The following RPL23A variants were observed in gnomAD, a reference collection of about 807,000 sequenced individuals.
The protein encoded by RPL23A is ribosomal protein L23a.
RPL23A carries 2 observed loss-of-function variants against 17.6 expected under a neutral mutation model. The observed-to-expected ratio is 0.11, with a 90% CI of 0.05 to 0.36. The LOEUF (loss-of-function observed/expected upper bound fraction) is 0.36, where lower values mean the gene tolerates loss of function less well. RPL23A is among the 10% of genes least tolerant of loss of function. RPL23A has a pLI of 1.00. For synonymous variants in RPL23A, 65 were observed against 74.3 expected, an observed-to-expected ratio of 0.87 and a Z score of 0.65; for missense variants, 132 against 194.4, an observed-to-expected ratio of 0.68 and a Z score of 1.91.
In RPL23A at chr17:28,720,397, C is replaced by T. The variant is rs148721690; in HGVS notation, c.26-310C>T. 6.9e-6 allele frequency: 11 copies of T among 1,585,500 alleles called. No homozygotes were observed. The African/African-American group carries it at 9.4e-5, about 14-fold the overall frequency. On this transcript the variant is annotated intron_variant, in intron 1 of 4. Coordinates refer to ENST00000422514, the MANE Select transcript of RPL23A (RefSeq NM_000984.6). The stretch of plus-strand genomic sequence containing the variant: ...TCATGTTCAACCGGGCTACATTACC[C>T]GCCCCTCTCTCCGCAGCGTGGTTTT...
intron 2 of RPL23A, 174 bp from the exon 3 acceptor site, chr17:28,722,549 C>T (rs1042401614): frequency 2.7e-5 from 21 of 769,320 alleles, no homozygotes; most frequent in Non-Finnish European, 4.9e-5. Flanking sequence ...CGTTCTGCCC[C>T]TGGGATTGGG....
rs536101438 is a variant in RPL23A at position 28,719,987 on chromosome 17, T to G, written c.-19T>G. 2 of 1,551,866 alleles carry G rather than the reference T, an allele frequency of 1.3e-6. No individual in the cohort carries two copies. The highest frequency in any genetic ancestry group is 2.4e-5 in the East Asian group (1 of 40,948). The stretch of plus-strand genomic sequence containing the variant: ...GCTATAAGCCCGTGGGAACGAGCAT[T>G]GGAGACCCTTTTCACAAGATGGCGC... On this transcript the variant is annotated 5_prime_UTR_variant, in exon 1 of 5. It adds an upstream start codon to the 5' untranslated region. Transcript: ENST00000422514.
chr17:28,721,376 C>T (rs993286716), intron 2 of RPL23A: 29 of 156,688 alleles, frequency 1.9e-4, no homozygotes, highest in African/African-American at 7.0e-4. Flanking sequence ...AACCCTGAGT[C>T]TCTCAAAATT....
At chr17:28,721,065 C>G in intron 2 of RPL23A, 175 bp downstream of exon 2, 1 of 627,342 alleles carries the variant, frequency 1.6e-6, no homozygotes, top group Non-Finnish European at 2.7e-6. Flanking sequence ...CAGGATCAGC[C>G]CAGAGGCCGG....
chr17:28,720,169 A>T, intron 1 of RPL23A, 139 bp downstream of exon 1: 1 of 1,525,690 alleles, frequency 6.6e-7, no homozygotes. Context: ...GACACGCTGC[A>T]GTATACGTGG....
chr17:28,723,236 G>C (rs952973714), intron 3 of RPL23A: 1 of 537,734 alleles, frequency 1.9e-6, no homozygotes, highest in Non-Finnish European at 3.3e-6. Context: ...GGCTGCTTTA[G>C]TTACAGACCT....
At chr17:28,720,228 G>A (rs566010875) in intron 1 of RPL23A, 198 bp downstream of exon 1, 70 of 1,539,130 alleles carry the variant, frequency 4.5e-5, no homozygotes, top group African/African-American at 2.7e-4. Flanking sequence ...AGGGAGTTGG[G>A]GGGGGGCAAC....
At chr17:28,721,740 GTAGT>G (rs1447745606) in intron 2 of RPL23A, 5 of 152,204 alleles carry the variant, frequency 3.3e-5, no homozygotes, top group Admixed American at 2.6e-4. Context: ...AGCCATGGTA[GTAGT>G]TAGTACCAAT....
At chr17:28,722,959 C>A in intron 3 of RPL23A, 60 bp downstream of exon 3, 1 of 1,392,708 alleles carries the variant, frequency 7.2e-7, no homozygotes, top group East Asian at 2.3e-5. Flanking sequence ...GCCAAAAAAA[C>A]CTGCATTCCA....
At chr17:28,720,070 A>G in intron 1 of RPL23A, 40 bp downstream of exon 1, 1 of 1,550,500 alleles carries the variant, frequency 6.4e-7, no homozygotes, top group Non-Finnish European at 8.7e-7. Flanking sequence ...TTTACCGGGG[A>G]TTGCCGCGCC....
At chr17:28,722,481 G>A in intron 2 of RPL23A, 1 of 640,940 alleles carries the variant, frequency 1.6e-6, no homozygotes, top group South Asian at 1.4e-5. Flanking sequence ...CTGGCCCAGA[G>A]ATGATTCTTT....
Position 28,724,024 on chromosome 17 carries a change from C to T in RPL23A, c.*143C>T. 1.7e-6 allele frequency: 1 copy of T among 590,166 alleles called. No individual in the cohort carries two copies. Among genetic ancestry groups the T allele is most frequent in the Non-Finnish European group, 2.9e-6 (1 of 344,128 alleles). The allele number at this position is 590,166 out of a possible 1,614,324, so 36.6% of individuals were successfully genotyped here. A position where few individuals can be genotyped will look rare whatever the true frequency, so the allele number is the denominator to read the frequency against. ...GGGCTTGGGCAAGACTCCTGTTCTA[C>T]TTATCCTTTTGAAATACCTCACCCT... On this transcript the variant is annotated 3_prime_UTR_variant, in exon 5 of 5. Transcript: ENST00000422514.
chr17:28,720,668 C>T, intron 1 of RPL23A, 39 bp from the exon 2 acceptor site: 2 of 1,611,378 alleles, frequency 1.2e-6, no homozygotes, highest in African/African-American at 2.7e-5. Context: ...TGACCGATTT[C>T]TAAATCCCGC....
In RPL23A at chr17:28,720,794, A is replaced by G. The variant is rs759483041; in HGVS notation, c.113A>G (p.Lys38Arg). The change falls in exon 2 of 5, where the codon AAG (lysine) becomes AGG (arginine). Residue 38 changes from lysine (K) to arginine (R), a missense_variant. Lys to Arg is a conservative substitution (Grantham distance 26, BLOSUM62 2). Coordinates refer to ENST00000422514, the MANE Select transcript of RPL23A (RefSeq NM_000984.6). ...VLKGVHSHKK[K>R]KIRTSPTFRR... ...AAAGGTGTCCACAGCCACAAAAAGAAGAAGATCCGCACGTCACCCACCTTC... is the reference window on the plus strand; with the variant it reads ...AAAGGTGTCCACAGCCACAAAAAGAGGAAGATCCGCACGTCACCCACCTTC... 5.6e-6 allele frequency: 9 copies of G among 1,613,310 alleles called. No individual in the cohort carries two copies. The highest frequency in any genetic ancestry group is 1.1e-5 in the South Asian group (1 of 91,076).
chr17:28,720,374 A>C, intron 1 of RPL23A: 1 of 1,564,058 alleles, frequency 6.4e-7, no homozygotes, highest in Non-Finnish European at 8.7e-7. Flanking sequence ...CTTCTGGTTC[A>C]TGTTCAACCG....
intron 1 of RPL23A, chr17:28,720,280 C>T (rs1224548619): frequency 1.9e-6 from 3 of 1,548,050 alleles, no homozygotes; most frequent in South Asian, 1.2e-5. Context: ...ACATTCGGTT[C>T]TGGGAAGCTA....
intron 4 of RPL23A, 21 bp downstream of exon 4, chr17:28,723,661 C>T (rs1305991865): frequency 6.2e-7 from 1 of 1,606,326 alleles, no homozygotes; most frequent in Admixed American, 1.7e-5. Flanking sequence ...TTCCTACAAA[C>T]CCCTTAATGC....
intron 1 of RPL23A, chr17:28,720,240 C>T (rs1023181730): frequency 2.6e-6 from 4 of 1,539,322 alleles, no homozygotes; most frequent in African/African-American, 2.7e-5. Flanking sequence ...GGGGGCAACG[C>T]GGCAGGCATC....
In RPL23A at chr17:28,722,816, T is replaced by C. The variant is rs2034140180; in HGVS notation, c.303T>C (p.Asp101=). 2.5e-6 allele frequency: 4 copies of C among 1,613,694 alleles called. No individual in the cohort carries two copies. Among genetic ancestry groups the C allele is most frequent in the Non-Finnish European group, 3.4e-6 (4 of 1,179,644 alleles). The change falls in exon 3 of 5, where the codon GAT becomes GAC. Residue 101 remains aspartate (D), a synonymous_variant. Coordinates refer to ENST00000422514, the MANE Select transcript of RPL23A (RefSeq NM_000984.6). Reference sequence around the variant, plus strand: ...ACAACACACTTGTGTTCATTGTGGATGTTAAAGCCAACAAGCACCAGATTA... The same window carrying C: ...ACAACACACTTGTGTTCATTGTGGACGTTAAAGCCAACAAGCACCAGATTA... ...EDNNTLVFIV[D]VKANKHQIKQ...
Sources: gnomAD v4.1 joint callset for allele counts on GRCh38, gnomAD v4.1.1 for gene constraint, MANE v1.5 for transcripts, NCBI Gene and HGNC (gene_info 2026-07-23, HGNC 2026-07-21) for gene names.